SNAPC3: variants seen among roughly 807,000 people sequenced by gnomAD.
SNAPC3 encodes snRNA-activating protein complex subunit 3.
A neutral mutation model predicts 47.7 loss-of-function variants in SNAPC3; 56 were observed. That is an observed-to-expected ratio of 1.18 (90% CI 0.95 to 1.47). SNAPC3 has a LOEUF of 1.47. Ranked by LOEUF, SNAPC3 falls within the 40% of genes most tolerant of loss-of-function variation. SNAPC3 has a pLI of 0.00. For missense variants in SNAPC3, 665 were observed against 511.3 expected (o/e 1.30, Z -2.90); for synonymous variants, 235 against 189.9 (o/e 1.24, Z -1.95).
chr9:15,431,547 ATT>A (rs2032149348), intron 2 of SNAPC3, among the ~76,000 whole-genome samples: 2 of 150,166 alleles, frequency 1.3e-5, no homozygotes, highest in Non-Finnish European at 3.0e-5. Context: ...ATATCTGTTT[ATT>A]TGAACAAAGG....
intron 7 of SNAPC3, among the ~76,000 whole-genome samples, chr9:15,454,609 A>G (rs1321328965): frequency 6.6e-6 from 1 of 152,182 alleles, no homozygotes; most frequent in East Asian, 1.9e-4. Context: ...TCTGTCAGAA[A>G]ATAGGGGACT....
intron 5 of SNAPC3, among the ~76,000 whole-genome samples, chr9:15,448,864 C>T (rs1382132165): frequency 3.3e-5 from 5 of 151,836 alleles, no homozygotes; most frequent in African/African-American, 9.7e-5. Flanking sequence ...GGCTGGAGTG[C>T]GATGATGCAA....
intron 2 of SNAPC3, 65 bp downstream of exon 2, chr9:15,424,051 A>G (rs1158959409): frequency 1.1e-6 from 1 of 921,334 alleles, no homozygotes; most frequent in Admixed American, 2.5e-5. Context: ...TGTTTTGAAA[A>G]GTTGAAAGTG....
At position 15,433,439 on chromosome 9, in the gene SNAPC3, T is replaced by C. The variant is rs2032414358; in HGVS notation, c.393-113T>C. On this transcript the variant is annotated intron_variant, in intron 2 of 8. Transcript: ENST00000380821. ...GATAGAAGGGAACTTTTTCCTGCTT[T>C]TGCTACTTAAAATTAGTTCAAAATA... 9.7e-6 allele frequency: 7 copies of C among 721,782 alleles called. 1 individual carries two copies. In the South Asian group the frequency reaches 1.1e-4, roughly 11 times the overall value. 44.7% of individuals were successfully genotyped at this position (721,782 alleles called of 1,614,324 possible). A position where few individuals can be genotyped will look rare whatever the true frequency, so the allele number is the denominator to read the frequency against.
At chr9:15,440,237 T>G (rs898859822) in intron 3 of SNAPC3, among the ~76,000 whole-genome samples, 2 of 152,218 alleles carry the variant, frequency 1.3e-5, no homozygotes, top group African/African-American at 4.8e-5. Context: ...TAATACTGGC[T>G]TCTATATTTA....
At chr9:15,434,886 G>C (rs184499687) in intron 3 of SNAPC3, among the ~76,000 whole-genome samples, 10 of 152,272 alleles carry the variant, frequency 6.6e-5, no homozygotes, top group Admixed American at 3.9e-4. Context: ...GAATAATGCT[G>C]CTATGAAAAT....
downstream of SNAPC3, chr9:15,463,075 A>G (rs890779043): frequency 6.6e-6 from 1 of 152,150 alleles, no homozygotes; most frequent in African/African-American, 2.4e-5. Flanking sequence ...TATAATATTA[A>G]TTATAAAGTG....
In SNAPC3 at chr9:15,422,995, C is replaced by T; in HGVS notation, c.116C>T (p.Thr39Met). Residue 39 changes from threonine to methionine, a missense_variant, in exon 1 of 9, where the codon ACG becomes ATG. By Grantham distance (81) the Thr-to-Met change is moderately conservative (BLOSUM62 -1). Coordinates refer to ENST00000380821, the MANE Select transcript of SNAPC3 (RefSeq NM_001039697.2). ...FPEYELPELNTRAFHVGAFGE... is the reference protein window; with the variant it reads ...FPEYELPELNMRAFHVGAFGE... ...GAGTATGAGCTTCCCGAGCTAAATA[C>T]GCGCGCTTTCCATGTGGGCGCCTTT... 6.5e-7 allele frequency: 1 copy of T among 1,544,268 alleles called. No individual in the cohort carries two copies. Among genetic ancestry groups the T allele is most frequent in the South Asian group, 1.2e-5 (1 of 82,472 alleles).
intron 3 of SNAPC3, chr9:15,433,912 A>G (rs2032482992): frequency 4.2e-6 from 1 of 237,992 alleles, no homozygotes; most frequent in African/African-American, 2.2e-5. Context: ...TCACTACCCT[A>G]TTTCTGGTCT....
chr9:15,433,459 A>C (rs2032417407), intron 2 of SNAPC3, 93 bp from the exon 3 acceptor site: 1 of 826,914 alleles, frequency 1.2e-6, no homozygotes, highest in East Asian at 2.4e-5. Context: ...AAATTAGTTC[A>C]AAATAAAAAA....
Position 15,459,773 on chromosome 9 carries a change from T to A in SNAPC3, c.1143T>A (p.Asp381Glu). The change falls in exon 9 of 9, where the codon GAT becomes GAA. Residue 381 changes from aspartate (D) to glutamate (E), a missense_variant. Transcript: ENST00000380821. ...FAPEDPCFFC[D>E]VCFRMLHYDS... is the part of the protein sequence containing the mutation. ...CAGAGGACCCATGCTTCTTTTGTGA[T>A]GTTTGCTTCCGAATGCTGCACTATG... 1 of 1,613,898 alleles carries A rather than the reference T, an allele frequency of 6.2e-7. No homozygotes were observed. The highest frequency in any genetic ancestry group is 8.5e-7 in the Non-Finnish European group (1 of 1,179,860).
At chr9:15,434,937 T>C (rs1331519571) in intron 3 of SNAPC3, among the ~76,000 whole-genome samples, 2 of 152,244 alleles carry the variant, frequency 1.3e-5, no homozygotes, top group Non-Finnish European at 2.9e-5. Context: ...TCATTTATTT[T>C]GCGTCTGCCC....
chr9:15,431,995 T>A (rs1448274102), intron 2 of SNAPC3: 1 of 149,934 alleles, frequency 6.7e-6, no homozygotes, highest in Non-Finnish European at 1.5e-5. Flanking sequence ...AATAAAATGC[T>A]ACCAAAAGCG....
chr9:15,465,661 A>AGAC, downstream of SNAPC3: 1 of 1,205,110 alleles, frequency 8.3e-7, no homozygotes, highest in Non-Finnish European at 1.2e-6. Context: ...TCTGCATTAT[A>AGAC]TTTTTAAACC....
rs768134375 is a variant in SNAPC3, at chr9:15,453,060, G to T, written c.835G>T (p.Glu279Ter). ...CCTCAGAACTATCATTGAGTGGTCA[G>T]AGTCCCATGATAGAGGCTATGGAAA... is the stretch of plus-strand genomic sequence containing the variant. ...DLSRTIIEWS[E>*]SHDRGYGKFQ... Residue 279 changes from glutamate (E) to a stop codon, truncating the protein, a stop_gained, in exon 7 of 9, where the codon GAG becomes TAG. Coordinates refer to ENST00000380821, the MANE Select transcript of SNAPC3 (RefSeq NM_001039697.2). LOFTEE classifies it high-confidence loss of function. 9 of 1,613,336 alleles carry T rather than the reference G, an allele frequency of 5.6e-6. No homozygotes were observed. The highest frequency in any genetic ancestry group is 7.6e-6 in the Non-Finnish European group (9 of 1,179,580).
intron 1 of SNAPC3, 75 bp from the exon 2 acceptor site, chr9:15,423,834 A>T (rs1338199075): frequency 1.2e-6 from 1 of 825,586 alleles, no homozygotes. Context: ...TAATGTATTT[A>T]GGAAAACAAC....
At chr9:15,465,449 T>G, downstream of SNAPC3, 1 of 1,333,282 alleles carries the variant, frequency 7.5e-7, no homozygotes, top group Non-Finnish European at 1.0e-6. Flanking sequence ...ATTTAAAACT[T>G]TCAGCAGTCT....
chr9:15,449,945 A>C (rs1224514989), intron 5 of SNAPC3, among the ~76,000 whole-genome samples: 1 of 152,112 alleles, frequency 6.6e-6, no homozygotes, highest in East Asian at 1.9e-4. Flanking sequence ...ATTATGCCAA[A>C]AGATAGTAAG....
chr9:15,457,673 A>G (rs2034896949), intron 7 of SNAPC3, among the ~76,000 whole-genome samples: 1 of 152,188 alleles, frequency 6.6e-6, no homozygotes, highest in Non-Finnish European at 1.5e-5. Context: ...AATGCTCTAC[A>G]TAATAACTCC....
Sources: gnomAD v4.1 joint callset for allele counts (sites outside exome capture counted in the v4.1 genomes callset) on GRCh38, gnomAD v4.1.1 for gene constraint, MANE v1.5 for transcripts, NCBI Gene and HGNC (gene_info 2026-07-23, HGNC 2026-07-21) for gene names.